The following IFI27 variants were observed in gnomAD, a reference collection of about 807,000 sequenced individuals.
IFI27 encodes interferon alpha-inducible protein 27, mitochondrial.
Under a neutral mutation model 8.9 loss-of-function variants are expected in IFI27, and 3 were observed. The observed-to-expected ratio is 0.34, with a 90% confidence interval of 0.15 to 0.87. The LOEUF is 0.87. Ranked by LOEUF, IFI27 falls within the 40% of genes least tolerant of loss-of-function variation. The pLI is 0.51. For missense variants in IFI27, 152 were observed against 157.7 expected, an observed-to-expected ratio of 0.96 and a Z score of 0.19; for synonymous variants, 66 against 67.3, an observed-to-expected ratio of 0.98 and a Z score of 0.09.
intron 2 of IFI27, chr14:94,114,130 T>A (rs933845914): frequency 2.6e-5 from 4 of 152,414 alleles, no homozygotes; most frequent in Non-Finnish European, 5.9e-5. Flanking sequence ...AACAATGGCA[T>A]GGACCTTGAA....
At chr14:94,115,443 GCAAAGATAAGAAACTTGC>G in intron 3 of IFI27, 1 of 583,258 alleles carries the variant, frequency 1.7e-6, no homozygotes, top group Non-Finnish European at 3.2e-6. Flanking sequence ...TTGCTCCCCA[GCAAAGATAAGAAACTTGC>G]CAACCACTCC....
chr14:94,109,250 C>T (rs1409952443), upstream of IFI27, among the ~76,000 whole-genome samples: 2 of 147,642 alleles, frequency 1.4e-5, no homozygotes, highest in Non-Finnish European at 3.0e-5. Context: ...TGCAGTGAGC[C>T]GAGATTGCGC....
At chr14:94,115,200 G>C (rs1053583829) in intron 3 of IFI27, 2 of 645,164 alleles carry the variant, frequency 3.1e-6, no homozygotes, top group African/African-American at 3.6e-5. Flanking sequence ...TTCCTCTCCA[G>C]AGAAAAGGCT....
chr14:94,115,788 CATGGCGGCT>C (rs1887369139), exon 4 of IFI27: 1 of 639,766 alleles, frequency 1.6e-6, no homozygotes, highest in Non-Finnish European at 2.2e-6. Context: ...CAGTTGTGGC[CATGGCGGCT>C]GTGCCCATGG....
At chr14:94,114,581 G>A in intron 2 of IFI27, 1 of 515,728 alleles carries the variant, frequency 1.9e-6, no homozygotes, top group Non-Finnish European at 3.5e-6. Context: ...GATAACATCT[G>A]ATTCCCCCGA....
Position 94,116,031 on chromosome 14 carries a change from T to A in IFI27, c.283+89T>A. ...AGTCCCAATCTCAACCCTATGAACC[T>A]CAATCTCCCTGTTCCTCTGTCTCTC... On this transcript the variant is annotated intron_variant, in intron 4 of 4. Transcript: ENST00000621160. This position sits in a 1 kb window ranked among gnomAD's most constrained non-coding sequence, Gnocchi z 4.3. 8.2e-7 allele frequency: 1 copy of A among 1,214,830 alleles called. No individual in the cohort carries two copies. The highest frequency in any genetic ancestry group is 1.2e-6 in the Non-Finnish European group (1 of 848,444). 75.3% of individuals were successfully genotyped at this position (1,214,830 alleles called of 1,614,324 possible). A position where few individuals can be genotyped will look rare whatever the true frequency, so the allele number is the denominator to read the frequency against.
Position 94,116,581 on chromosome 14 carries a change from C to T in IFI27, c.*54C>T. ...GAACCATGCCAGGGGAGAAGGCACC[C>T]AGCCATCCTGACCCAGCGAGGAGCC... On this transcript the variant is annotated 3_prime_UTR_variant, in exon 5 of 5. Coordinates refer to ENST00000621160, the Ensembl canonical transcript of IFI27. The surrounding 1 kb of genome is among the most constrained non-coding windows in gnomAD (Gnocchi z 4.3). 1 of 1,417,718 alleles carries T rather than the reference C, an allele frequency of 7.1e-7. No individual in the cohort carries two copies. 87.8% of individuals were successfully genotyped at this position (1,417,718 alleles called of 1,614,324 possible). A position where few individuals can be genotyped will look rare whatever the true frequency, so the allele number is the denominator to read the frequency against.
Position 94,116,393 on chromosome 14 carries a change from C to A in IFI27, c.284-49C>A. 2 of 1,362,924 alleles carry A rather than the reference C, an allele frequency of 1.5e-6. No homozygotes were observed. Among genetic ancestry groups the A allele is most frequent in the Non-Finnish European group, 2.1e-6 (2 of 963,388 alleles). 84.4% of individuals were successfully genotyped at this position (1,362,924 alleles called of 1,614,324 possible). A position where few individuals can be genotyped will look rare whatever the true frequency, so the allele number is the denominator to read the frequency against. ...TGACCCCACAGTCCTGCCCACAGAG[C>A]TTCCCCGACAGGCATGTCCCACTCT... On this transcript the variant is annotated intron_variant, in intron 4 of 4. Coordinates refer to ENST00000621160, the Ensembl canonical transcript of IFI27. The surrounding 1 kb of genome is among the most constrained non-coding windows in gnomAD (Gnocchi z 4.3).
Position 94,111,819 on chromosome 14 carries a change from T to A in IFI27, c.91+46T>A, listed in dbSNP as rs1459827851. ...CTGGTGCTGGGGGCGAGGAGGCGGCTGGGAAGGGCGGGGGTCCTGTCCCGG... is the reference window on the plus strand; with the variant it reads ...CTGGTGCTGGGGGCGAGGAGGCGGCAGGGAAGGGCGGGGGTCCTGTCCCGG... On this transcript the variant is annotated intron_variant, in intron 2 of 4. Coordinates refer to ENST00000621160, the Ensembl canonical transcript of IFI27. The surrounding 1 kb of genome is among the most constrained non-coding windows in gnomAD (Gnocchi z 4.3). 1.4e-6 allele frequency: 2 copies of A among 1,429,424 alleles called. No homozygotes were observed. The highest frequency in any genetic ancestry group is 2.0e-4 in the Middle Eastern group (1 of 5,036). The allele number at this position is 1,429,424 out of a possible 1,614,324, so 88.5% of individuals were successfully genotyped here.
chr14:94,114,992 G>C, intron 3 of IFI27, 112 bp downstream of exon 3: 1 of 975,222 alleles, frequency 1.0e-6, no homozygotes, highest in South Asian at 1.3e-5. Flanking sequence ...GGTCAGGGGA[G>C]GAGGTGGGGA....
chr14:94,114,826 C>CA (rs755592251), intron 2 of IFI27, 25 bp from the exon 3 acceptor site: 1 of 1,613,466 alleles, frequency 6.2e-7, no homozygotes, highest in Admixed American at 1.7e-5. Flanking sequence ...TGGATCTACT[C>CA]ACAGAATGTT....
At chr14:94,106,113 C>T (rs980492859), upstream of IFI27, among the ~76,000 whole-genome samples, 1 of 152,184 alleles carries the variant, frequency 6.6e-6, no homozygotes, top group Non-Finnish European at 1.5e-5. Flanking sequence ...ATACTGCTTT[C>T]TGTGTCCTCA....
intron 1 of IFI27, 66 bp downstream of exon 1, chr14:94,110,863 C>T (rs1319528440): frequency 6.5e-6 from 1 of 154,078 alleles, no homozygotes; most frequent in African/African-American, 2.4e-5. Flanking sequence ...GGGCTGTGGG[C>T]TCAGGGAGCG....
At chr14:94,110,487 T>C (rs1887136423), upstream of IFI27, among the ~76,000 whole-genome samples, 1 of 152,250 alleles carries the variant, frequency 6.6e-6, no homozygotes, top group Non-Finnish European at 1.5e-5. Context: ...TCATTCTGCG[T>C]AGAGCACACT....
chr14:94,116,425 C>A lies in IFI27; in HGVS notation c.284-17C>A. The A allele has an allele frequency of 6.3e-7, 1 of 1,591,022 alleles. No individual in the cohort carries two copies. The highest frequency in any genetic ancestry group is 8.6e-7 in the Non-Finnish European group (1 of 1,162,242). ...GACAGGCATGTCCCACTCTGTCCACCCTCTGCTTCTTCCCAGGAGCAACTG... is the reference window on the plus strand; with the variant it reads ...GACAGGCATGTCCCACTCTGTCCACACTCTGCTTCTTCCCAGGAGCAACTG... On this transcript the variant is annotated splice_polypyrimidine_tract_variant and intron_variant, in intron 4 of 4. Transcript: ENST00000621160. This position sits in a 1 kb window ranked among gnomAD's most constrained non-coding sequence, Gnocchi z 4.3.
chr14:94,110,555 T>C (rs1320799572), upstream of IFI27: 7 of 152,242 alleles, frequency 4.6e-5, no homozygotes, highest in Admixed American at 3.3e-4. Flanking sequence ...ACTGATGCCA[T>C]GGGCAAATCC....
chr14:94,111,566 G>T lies in IFI27; in HGVS notation c.-58-59G>T. 1.2e-6 allele frequency: 1 copy of T among 809,820 alleles called. No individual in the cohort carries two copies. 50.2% of individuals were successfully genotyped at this position (809,820 alleles called of 1,614,324 possible). A position where few individuals can be genotyped will look rare whatever the true frequency, so the allele number is the denominator to read the frequency against. ...GGAGCCCGTCACATTTTTCAGGACA[G>T]TGGGAAGCAAGTCAGGTTGTGTGCC... On this transcript the variant is annotated intron_variant, in intron 1 of 4. Coordinates refer to ENST00000621160, the Ensembl canonical transcript of IFI27. This position sits in a 1 kb window ranked among gnomAD's most constrained non-coding sequence, Gnocchi z 4.3.
chr14:94,106,044 A>C (rs1309947764), upstream of IFI27: 1 of 152,268 alleles, frequency 6.6e-6, no homozygotes, highest in Non-Finnish European at 1.5e-5. Flanking sequence ...TGGGAAGTCC[A>C]AGATTAAGAG....
At chr14:94,115,562 C>T (rs774880934) in intron 3 of IFI27, 5 of 612,798 alleles carry the variant, frequency 8.2e-6, no homozygotes, top group Non-Finnish European at 1.4e-5. Flanking sequence ...AGAGCTTGGC[C>T]CAGAGCCCTG....
Sources: gnomAD v4.1 joint callset for allele counts (sites outside exome capture counted in the v4.1 genomes callset) on GRCh38, gnomAD v4.1.1 for gene constraint, Gnocchi (gnomAD v3.1) non-coding constraint, MANE v1.5 for transcripts, NCBI Gene and HGNC (gene_info 2026-07-23, HGNC 2026-07-21) for gene names.